The following SLU7 variants were observed in gnomAD, a reference collection of about 807,000 sequenced individuals.
SLU7 encodes the protein pre-mRNA-splicing factor SLU7.
SLU7 carries 60 observed loss-of-function variants against 87.0 expected under a neutral mutation model. The ratio of observed to expected loss-of-function variants is 0.69; its 90% CI spans 0.56 to 0.86. The LOEUF is 0.86. SLU7 is among the 40% of genes least tolerant of loss of function. The pLI, the probability that SLU7 is intolerant of heterozygous loss-of-function variation, is 0.00. For missense variants in SLU7, 507 were observed against 686.6 expected (o/e 0.74, Z 2.92); for synonymous variants, 197 against 222.0 (o/e 0.89, Z 1.00).
rs1196754447 is a variant in SLU7 at position 160,419,052 on chromosome 5, ATCCGACAGAAT to A, written c.-57_-47del. ...CCCCGCCGCAGCTAGCCCCAAGTCC[ATCCGACAGAAT>A]CCAAGCCAATCTCGTAATGTTTACT... On this transcript the variant is annotated 5_prime_UTR_variant, in exon 1 of 16. It removes an upstream start codon present in the reference 5' UTR. Transcript: ENST00000297151. 1 of 152,194 alleles carries A rather than the reference ATCCGACAGAAT, an allele frequency of 6.6e-6. No individual in the cohort carries two copies. Among genetic ancestry groups the A allele is most frequent in the Non-Finnish European group, 1.5e-5 (1 of 68,052 alleles). 9.4% of individuals were successfully genotyped at this position (152,194 alleles called of 1,614,324 possible).
chr5:160,404,706 C>G, intron 14 of SLU7, 103 bp downstream of exon 14: 1 of 935,170 alleles, frequency 1.1e-6, no homozygotes, highest in Non-Finnish European at 1.7e-6. Flanking sequence ...GCCTGGGCGA[C>G]AGAATGAGAT....
In SLU7 at chr5:160,412,534, A is replaced by G. The variant is rs367687275; in HGVS notation, c.571-15T>C. The G allele has an allele frequency of 1.6e-4, 210 of 1,283,584 alleles. No individual in the cohort carries two copies. In the African/African-American group the frequency reaches 2.8e-3, roughly 17 times the overall value. 79.5% of individuals were successfully genotyped at this position (1,283,584 alleles called of 1,614,324 possible). On this transcript the variant is annotated splice_polypyrimidine_tract_variant and intron_variant, in intron 5 of 15. Transcript: ENST00000297151. ...GTTCGTTTTGCCTTTAAAAAAAAAAAAAAGAAAGAAAGAAAGAAAAAGTAA... is the reference window on the plus strand; with the variant it reads ...GTTCGTTTTGCCTTTAAAAAAAAAAGAAAGAAAGAAAGAAAGAAAAAGTAA...
At chr5:160,408,514 CT>C (rs529237906) in intron 7 of SLU7, 54 bp from the exon 8 acceptor site, 44 of 1,548,848 alleles carry the variant, frequency 2.8e-5, no homozygotes, top group Middle Eastern at 1.9e-4. Context: ...GCATGTAGTT[CT>C]TTTTTTTCCC....
At chr5:160,414,063 G>A in intron 3 of SLU7, 84 bp from the exon 4 acceptor site, 1 of 881,742 alleles carries the variant, frequency 1.1e-6, no homozygotes, top group Non-Finnish European at 1.7e-6. Flanking sequence ...ATTTTGTCTA[G>A]GGAAATGATT....
chr5:160,405,297 A>C (rs1321278402), intron 12 of SLU7, among the ~76,000 whole-genome samples, 162 bp from the exon 13 acceptor site: 1 of 152,246 alleles, frequency 6.6e-6, no homozygotes, highest in Non-Finnish European at 1.5e-5. Flanking sequence ...GTCTGACCTG[A>C]AGTGTGAGAA....
At chr5:160,414,547 G>T in intron 2 of SLU7, 75 bp from the exon 3 acceptor site, 2 of 970,504 alleles carry the variant, frequency 2.1e-6, no homozygotes, top group Non-Finnish European at 2.9e-6. Context: ...TACAAAGGTA[G>T]CTTATACAAA....
At chr5:160,412,908 AT>A (rs1260339793) in intron 5 of SLU7, among the ~76,000 whole-genome samples, 1 of 151,228 alleles carries the variant, frequency 6.6e-6, no homozygotes, top group East Asian at 1.9e-4. Flanking sequence ...AGATTTTTAT[AT>A]GAAATCTTAT....
intron 6 of SLU7, among the ~76,000 whole-genome samples, chr5:160,409,643 A>G (rs971379458): frequency 7.9e-5 from 12 of 152,180 alleles, no homozygotes; most frequent in Non-Finnish European, 1.8e-4. Flanking sequence ...GCAGTGTTGT[A>G]TATGTGCAAT....
intron 5 of SLU7, 62 bp downstream of exon 5, chr5:160,413,394 C>T (rs1765319586): frequency 6.8e-7 from 1 of 1,474,264 alleles, no homozygotes; most frequent in Admixed American, 1.8e-5. Context: ...AGTAGAGCTG[C>T]TAGAGATACA....
chr5:160,413,454 A>G lies in SLU7; in HGVS notation c.570+2T>C, dbSNP rs370891618. On this transcript the variant is annotated splice_donor_variant, in intron 5 of 15. Transcript: ENST00000297151. LOFTEE classifies it high-confidence loss of function. ...CCCAGGAAAGCAGGGAATTTTGCTC[A>G]CCAAATCAACTTTGGCATACTCTTC... The G allele has an allele frequency of 6.2e-7, 1 of 1,612,792 alleles. No individual in the cohort carries two copies. The highest frequency in any genetic ancestry group is 1.7e-4 in the Middle Eastern group (1 of 6,060).
chr5:160,412,944 A>T (rs986079924), intron 5 of SLU7, among the ~76,000 whole-genome samples: 2 of 66,512 alleles, frequency 3.0e-5, no homozygotes, highest in African/African-American at 5.4e-5. Flanking sequence ...ACCTCTAATT[A>T]AAAAAAAAAG....
intron 1 of SLU7, 72 bp from the exon 2 acceptor site, chr5:160,415,382 C>A (rs1020471792): frequency 1.8e-6 from 2 of 1,130,136 alleles, no homozygotes; most frequent in Non-Finnish European, 1.2e-6. Context: ...AAAAATACAT[C>A]CTAATAATAT....
Position 160,406,646 on chromosome 5 carries a change from C to A in SLU7, c.1126-17G>T, listed in dbSNP as rs746437336. On this transcript the variant is annotated splice_polypyrimidine_tract_variant and intron_variant, in intron 11 of 15. Transcript: ENST00000297151. Reference sequence around the variant, plus strand: ...GCCACCATACTAAAAGGACATTGGACATTATTCAATACATTTTACAACCTG... The same window carrying A: ...GCCACCATACTAAAAGGACATTGGAAATTATTCAATACATTTTACAACCTG... 1 of 1,571,392 alleles carries A rather than the reference C, an allele frequency of 6.4e-7. No individual in the cohort carries two copies. Among genetic ancestry groups the A allele is most frequent in the African/African-American group, 1.4e-5 (1 of 72,402 alleles).
chr5:160,413,929 G>A lies in SLU7; in HGVS notation c.375C>T (p.Ala125=). The A allele has an allele frequency of 6.2e-7, 1 of 1,601,768 alleles. No individual in the cohort carries two copies. The highest frequency in any genetic ancestry group is 2.2e-5 in the East Asian group (1 of 44,470). Residue 125 remains alanine (A), a synonymous_variant, in exon 4 of 16, where the codon GCC becomes GCT. Transcript: ENST00000297151. ...YRKGACENCG[A]MTHKKKDCFE... ...AGCAGTCTTTCTTTTTGTGTGTCATGGCCCCACAATTTTCACATGCTCCTT... is the reference window on the plus strand; with the variant it reads ...AGCAGTCTTTCTTTTTGTGTGTCATAGCCCCACAATTTTCACATGCTCCTT...
chr5:160,408,524 C>G, intron 7 of SLU7, 64 bp from the exon 8 acceptor site: 1 of 1,520,522 alleles, frequency 6.6e-7, no homozygotes, highest in South Asian at 1.2e-5. Flanking sequence ...CTTTTTTTTC[C>G]CCTTTCCCTT....
At chr5:160,411,802 G>A (rs1765249658) in intron 6 of SLU7, among the ~76,000 whole-genome samples, 1 of 152,032 alleles carries the variant, frequency 6.6e-6, no homozygotes, top group Non-Finnish European at 1.5e-5. Flanking sequence ...AAAACTGGCT[G>A]CAATAGACCT....
chr5:160,408,337 T>C lies in SLU7; in HGVS notation c.811A>G (p.Ile271Val). 3 of 1,605,250 alleles carry C rather than the reference T, an allele frequency of 1.9e-6. No individual in the cohort carries two copies. The highest frequency in any genetic ancestry group is 2.6e-6 in the Non-Finnish European group (3 of 1,176,342). The change falls in exon 8 of 16, where the codon ATT (isoleucine) becomes GTT (valine). Residue 271 changes from isoleucine to valine, a missense_variant. Ile to Val is a conservative substitution (Grantham distance 29). Coordinates refer to ENST00000297151, the MANE Select transcript of SLU7 (RefSeq NM_006425.5). ...TVRNLRIRED[I>V]AKYLRNLDPN... Reference sequence around the variant, plus strand: ...AAGCTGACAAGACTTACTTTTGCAATATCTTCTCGAATCCTGAGATTCCGG... The same window carrying C: ...AAGCTGACAAGACTTACTTTTGCAACATCTTCTCGAATCCTGAGATTCCGG...
chr5:160,418,253 T>TA (rs1331170556), intron 1 of SLU7, among the ~76,000 whole-genome samples: 1 of 152,206 alleles, frequency 6.6e-6, no homozygotes, highest in African/African-American at 2.4e-5. Flanking sequence ...ATCTTCACAA[T>TA]AAGCCCAGTA....
At chr5:160,413,877 A>T (rs774504000) in intron 4 of SLU7, 22 bp downstream of exon 4, 3 of 1,541,330 alleles carry the variant, frequency 1.9e-6, no homozygotes, top group Non-Finnish European at 2.6e-6. Context: ...ACGGTTTTCA[A>T]AATTTTCAAA....
Sources: gnomAD v4.1 joint callset for allele counts (sites outside exome capture counted in the v4.1 genomes callset) on GRCh38, gnomAD v4.1.1 for gene constraint, MANE v1.5 for transcripts, NCBI Gene and HGNC (gene_info 2026-07-23, HGNC 2026-07-21) for gene names.